The following DEAF1 variants were observed in gnomAD, a reference collection of about 807,000 sequenced individuals.
DEAF1 encodes deformed epidermal autoregulatory factor 1 homolog.
A neutral mutation model predicts 58.9 loss-of-function variants in DEAF1; 53 were observed. That is an observed-to-expected ratio of 0.90 (90% CI 0.72 to 1.13). The LOEUF is 1.13. Ranked by LOEUF, DEAF1 falls within the 50% of genes most tolerant of loss-of-function variation. DEAF1 has a pLI of 0.00. For missense variants in DEAF1, 685 were observed against 791.4 expected (o/e 0.87, Z 1.61); for synonymous variants, 385 against 340.4 (o/e 1.13, Z -1.44).
chr11:702,232 C>T (rs1484736461), intron 1 of DEAF1, among the ~76,000 whole-genome samples: 1 of 152,248 alleles, frequency 6.6e-6, no homozygotes, highest in Admixed American at 6.5e-5. Context: ...GCCCGGCCGT[C>T]AGTGTCTTGT....
At chr11:679,436 G>A (rs187450034) in intron 8 of DEAF1, among the ~76,000 whole-genome samples, 73 of 152,196 alleles carry the variant, frequency 4.8e-4, no homozygotes, top group Non-Finnish European at 9.7e-4. Flanking sequence ...GCAGGAGCCG[G>A]CAGACAGAGA....
At chr11:691,421 C>T (rs1860829469) in intron 2 of DEAF1, 80 bp downstream of exon 2, 1 of 1,361,852 alleles carries the variant, frequency 7.3e-7, no homozygotes, top group South Asian at 1.2e-5. Flanking sequence ...GCGGGCTGAA[C>T]CCCGGGAGAG....
upstream of DEAF1, chr11:695,983 C>A: frequency 1.4e-6 from 1 of 723,822 alleles, no homozygotes; most frequent in Non-Finnish European, 1.9e-6. Context: ...ACAGCTCCGT[C>A]ACCCCATCGA....
At chr11:695,901 C>A (rs982665953), upstream of DEAF1, 2 of 1,199,130 alleles carry the variant, frequency 1.7e-6, no homozygotes, top group Non-Finnish European at 2.1e-6. Flanking sequence ...CGCGGCGTTT[C>A]CCTGTGGTGA....
chr11:680,353 A>G (rs779271104), intron 7 of DEAF1, among the ~76,000 whole-genome samples: 5 of 152,248 alleles, frequency 3.3e-5, no homozygotes, highest in African/African-American at 4.8e-5. Flanking sequence ...ACCTTACTCT[A>G]TAAATGCAAA....
chr11:677,823 C>T (rs1330663430), intron 9 of DEAF1, among the ~76,000 whole-genome samples: 1 of 151,594 alleles, frequency 6.6e-6, no homozygotes, highest in Non-Finnish European at 1.5e-5. Context: ...ATTAGCTGGG[C>T]ATGGTGGCGT....
In DEAF1 at chr11:675,146, C is replaced by T. The variant is rs569176167; in HGVS notation, c.1256-363G>A. Among the ~76,000 whole-genome samples the T allele has an allele frequency of 2.0e-4, 26 of 130,346 alleles. No individual in the cohort carries two copies. In the South Asian group the frequency reaches 7.1e-3, roughly 36 times the overall value. 85.5% of individuals were successfully genotyped at this position (130,346 alleles called of 152,430 possible). The stretch of plus-strand genomic sequence containing the variant: ...CTTGCAGTGAACAGAGATGGCACCA[C>T]TGCACTCCAGCCTGGGCAACAGAGT... On this transcript the variant is annotated intron_variant, in intron 9 of 11. Coordinates refer to ENST00000382409, the MANE Select transcript of DEAF1 (RefSeq NM_021008.4).
intron 1 of DEAF1, chr11:705,080 G>T (rs1322887846): frequency 9.5e-6 from 2 of 211,034 alleles, no homozygotes; most frequent in African/African-American, 4.6e-5. Flanking sequence ...CGAAGGAGGA[G>T]GGCCACTTCC....
chr11:695,636 C>CCGAAAG (rs1175868745), upstream of DEAF1: 56 of 1,245,028 alleles, frequency 4.5e-5, no homozygotes, highest in Non-Finnish European at 5.6e-5. Context: ...TTCTCCACCT[C>CCGAAAG]TTCCCTTCCG....
At chr11:701,042 T>G in intron 1 of DEAF1, 1 of 378,084 alleles carries the variant, frequency 2.6e-6, no homozygotes, top group Non-Finnish European at 5.0e-6. Flanking sequence ...ACCCCTTTCC[T>G]TCCCCTTGCC....
At chr11:687,529 G>A (rs780190279) in intron 4 of DEAF1, among the ~76,000 whole-genome samples, 3 of 152,180 alleles carry the variant, frequency 2.0e-5, no homozygotes, top group Non-Finnish European at 4.4e-5. Context: ...TCGCTCTGTC[G>A]CCCAGGATGG....
chr11:644,431 CTTT>C lies in DEAF1; in HGVS notation c.*116_*118del. The C allele has an allele frequency of 1.3e-6, 1 of 782,370 alleles. No homozygotes were observed. The highest frequency in any genetic ancestry group is 1.5e-5 in the South Asian group (1 of 68,806). The allele number at this position is 782,370 out of a possible 1,614,324, so 48.5% of individuals were successfully genotyped here. A position where few individuals can be genotyped will look rare whatever the true frequency, so the allele number is the denominator to read the frequency against. On this transcript the variant is annotated 3_prime_UTR_variant, in exon 12 of 12. Coordinates refer to ENST00000382409, the MANE Select transcript of DEAF1 (RefSeq NM_021008.4). The surrounding 1 kb of genome is among the most constrained non-coding windows in gnomAD (Gnocchi z 4.3). ...TGTTAATGACTTGTCCAGCAAGTTT[CTTT>C]ACCTTCCCACACCCCTCTTCTCAAC... is the stretch of plus-strand genomic sequence containing the variant.
intron 6 of DEAF1, among the ~76,000 whole-genome samples, chr11:682,958 A>G (rs1326482054): frequency 3.3e-5 from 5 of 152,142 alleles, no homozygotes; most frequent in Admixed American, 3.3e-4. Flanking sequence ...ACCACCCACA[A>G]TGGAGCCTCC....
In DEAF1 at chr11:703,013, G is replaced by A. The variant is rs753838605; in HGVS notation, c.-438+3559C>T. ...CAGCCTGGCCCTCACGGCTGGCACC[G>A]CCCTCCTCTCTGCCCACTTCCTGCT... On this transcript the variant is annotated intron_variant, in intron 1 of 11. Transcript: ENST00000683307. The A allele has an allele frequency of 2.1e-5, 34 of 1,612,388 alleles. No individual in the cohort carries two copies. The highest frequency in any genetic ancestry group is 2.7e-5 in the Non-Finnish European group (32 of 1,179,840).
intron 6 of DEAF1, 118 bp from the exon 7 acceptor site, chr11:681,207 T>G: frequency 7.2e-7 from 1 of 1,383,242 alleles, no homozygotes; most frequent in Non-Finnish European, 1.0e-6. Flanking sequence ...GAGACCACAT[T>G]AAGATGGTAA....
intron 10 of DEAF1, among the ~76,000 whole-genome samples, chr11:669,921 C>A (rs1859730619): frequency 2.4e-5 from 2 of 84,208 alleles, no homozygotes; most frequent in Non-Finnish European, 2.1e-5. Context: ...CAGTGTGAGA[C>A]TGTCTCAAAA....
chr11:661,913 C>T (rs1859336314), intron 10 of DEAF1, among the ~76,000 whole-genome samples: 2 of 152,200 alleles, frequency 1.3e-5, no homozygotes, highest in African/African-American at 2.4e-5. Context: ...TTTAATGGCA[C>T]AAAGCAAGCT....
intron 9 of DEAF1, 161 bp downstream of exon 9, chr11:678,533 C>G (rs149481647): frequency 9.6e-7 from 1 of 1,043,950 alleles, no homozygotes; most frequent in South Asian, 1.3e-5. Flanking sequence ...ACTTTATTTA[C>G]AAACATAGGC....
In DEAF1 at chr11:678,742, T is replaced by C. The variant is rs182630537; in HGVS notation, c.1207A>G (p.Ile403Val). The C allele has an allele frequency of 2.4e-5, 38 of 1,614,206 alleles. No individual in the cohort carries two copies. The East Asian group carries it at 6.7e-4, about 28-fold the overall frequency. Residue 403 changes from isoleucine (I) to valine (V), a missense_variant, in exon 9 of 12, where the codon ATC becomes GTC. This residue lies in a region of DEAF1 where 343 missense variants were observed against 379.8 expected (regional missense o/e 0.90). Transcript: ENST00000382409. ...AACGCAGCTTCTGGAAACGGTGCGA[T>C]CTGGCAGCTGTCCTGATAGCCGGGG... is the stretch of plus-strand genomic sequence containing the variant. ...HYPGYQDSCQIAPFPEAALPT... is the reference protein window; with the variant it reads ...HYPGYQDSCQVAPFPEAALPT...
Sources: allele counts gnomAD v4.1 joint callset (sites outside exome capture counted in the v4.1 genomes callset), GRCh38; gene constraint gnomAD v4.1.1; regional missense constraint gnomAD v4.1.1; non-coding constraint Gnocchi (gnomAD v3.1); transcripts MANE v1.5; gene names NCBI Gene and HGNC (gene_info 2026-07-23, HGNC 2026-07-21).